Variants in PARL observed in about 807,000 individuals in gnomAD.
PARL encodes the protein presenilin associated rhomboid like.
Under a neutral mutation model 51.6 loss-of-function variants are expected in PARL, and 44 were observed. That is an observed-to-expected ratio of 0.85 (90% confidence interval 0.67 to 1.10). The LOEUF is 1.10. Among genes scored for constraint, PARL ranks in the 50% least tolerant of loss-of-function variants. The pLI is 0.00. For missense variants in PARL, 441 were observed against 469.5 expected (o/e 0.94, Z 0.56); for synonymous variants, 172 against 164.0 (o/e 1.05, Z -0.37).
At chr3:183,879,742 G>A (rs1734221709) in intron 1 of PARL, 2 of 976,894 alleles carry the variant, frequency 2.0e-6, no homozygotes, top group African/African-American at 1.8e-5. Flanking sequence ...GCGGGGGGAG[G>A]TCCTCGCTCT....
intron 2 of PARL, among the ~76,000 whole-genome samples, chr3:183,867,019 T>C (rs1051689930): frequency 2.6e-5 from 4 of 152,114 alleles, no homozygotes; most frequent in Non-Finnish European, 5.9e-5. Context: ...GTTCAAGTGA[T>C]TCTCCTGTCT....
chr3:183,883,639 T>G (rs1734803977), intron 1 of PARL: 1 of 985,200 alleles, frequency 1.0e-6, no homozygotes, highest in South Asian at 4.7e-5. Flanking sequence ...CCATCTGTCC[T>G]CATTTTCCAC....
downstream of PARL, chr3:183,826,644 G>A (rs914772828): frequency 4.1e-6 from 4 of 985,320 alleles, no homozygotes; most frequent in East Asian, 1.1e-4. Context: ...GTGACATGAC[G>A]GCTGCCTAGA....
Position 183,883,563 on chromosome 3 carries a change from C to T in PARL, c.125+1159G>A, listed in dbSNP as rs1002015396. ...AGGATTACAGGCGTGTGAGCCACCA[C>T]GCCCGGCCAGTATTAATCTTTTCTT... On this transcript the variant is annotated intron_variant, in intron 1 of 9. Coordinates refer to ENST00000317096, the MANE Select transcript of PARL (RefSeq NM_018622.7). 13 of 983,456 alleles carry T rather than the reference C, an allele frequency of 1.3e-5. No homozygotes were observed. In the Admixed American group the frequency reaches 7.4e-4, roughly 56 times the overall value. 60.9% of individuals were successfully genotyped at this position (983,456 alleles called of 1,614,324 possible).
At chr3:183,834,129 A>G (rs1437344822) in intron 7 of PARL, among the ~76,000 whole-genome samples, 1 of 152,260 alleles carries the variant, frequency 6.6e-6, no homozygotes, top group Non-Finnish European at 1.5e-5. Context: ...TGGCCTAGGA[A>G]AGAACTGCTC....
intron 4 of PARL, among the ~76,000 whole-genome samples, chr3:183,850,474 C>A (rs1302690224): frequency 6.6e-6 from 1 of 152,204 alleles, no homozygotes; most frequent in Admixed American, 6.5e-5. Context: ...CTAATCAAAT[C>A]TGCAAAGACC....
Position 183,829,349 on chromosome 3 carries a change from G to C in PARL, c.*249C>G, listed in dbSNP as rs956042485. On this transcript the variant is annotated 3_prime_UTR_variant, in exon 10 of 10. Transcript: ENST00000317096. ...ATGCAACAACCAAAGCAAAATGCCA[G>C]AGCCGTGTCGGCCCCTTAAAGAGAG... 50 of 1,330,372 alleles carry C rather than the reference G, an allele frequency of 3.8e-5. No individual in the cohort carries two copies. The highest frequency in any genetic ancestry group is 3.2e-5 in the Non-Finnish European group (33 of 1,018,602). 82.4% of individuals were successfully genotyped at this position (1,330,372 alleles called of 1,614,324 possible). A position where few individuals can be genotyped will look rare whatever the true frequency, so the allele number is the denominator to read the frequency against.
Position 183,863,156 on chromosome 3 carries a change from C to G in PARL, c.463-355G>C, listed in dbSNP as rs545311144. Among the ~76,000 whole-genome samples, 4 of 152,164 alleles carry G rather than the reference C, an allele frequency of 2.6e-5. No homozygotes were observed. The South Asian group carries it at 8.3e-4, about 32-fold the overall frequency. On this transcript the variant is annotated intron_variant, in intron 3 of 9. Coordinates refer to ENST00000317096, the MANE Select transcript of PARL (RefSeq NM_018622.7). ...CACACTCACAGATACAGACAGGTAC[C>G]AAGGAAGTGATTATTCATACCAAGG...
intron 1 of PARL, among the ~76,000 whole-genome samples, chr3:183,882,356 TA>T (rs1382264185): frequency 3.5e-5 from 5 of 144,812 alleles, no homozygotes; most frequent in Non-Finnish European, 7.5e-5. Flanking sequence ...TATATACATA[TA>T]TGCACATATA....
chr3:183,866,673 A>C lies in PARL; in HGVS notation c.414T>G (p.Asp138Glu). The C allele has an allele frequency of 6.2e-7, 1 of 1,612,008 alleles. No homozygotes were observed. The highest frequency in any genetic ancestry group is 8.5e-7 in the Non-Finnish European group (1 of 1,178,992). Residue 138 changes from aspartate (D) to glutamate (E), a missense_variant, in exon 3 of 10, where the codon GAT becomes GAG. By Grantham distance (45) the Asp-to-Glu change is conservative. Transcript: ENST00000317096. The part of the protein sequence containing the change: ...VQSYFDGIKA[D>E]WLDSIRPQKE... The stretch of plus-strand genomic sequence containing the variant: ...TTTGTGGTCTTATGCTATCCAACCA[A>C]TCAGCTTTTATACCATCAAAATAAC...
chr3:183,880,909 G>A (rs1333818242), intron 1 of PARL, among the ~76,000 whole-genome samples: 7 of 151,890 alleles, frequency 4.6e-5, no homozygotes, highest in Non-Finnish European at 8.8e-5. Flanking sequence ...TTCACCTTCC[G>A]GCCTCAAGCA....
intron 1 of PARL, among the ~76,000 whole-genome samples, chr3:183,869,075 C>T (rs966237892): frequency 6.6e-6 from 1 of 152,188 alleles, no homozygotes; most frequent in Admixed American, 6.5e-5. Context: ...GTATCTTCCC[C>T]TTTTCCTCTA....
chr3:183,852,454 C>G (rs758899337), intron 4 of PARL, among the ~76,000 whole-genome samples: 9 of 151,940 alleles, frequency 5.9e-5, no homozygotes, highest in Non-Finnish European at 5.9e-5. Flanking sequence ...GACAAACTCA[C>G]AGAGACAGAA....
chr3:183,833,160 G>A (rs1367121984), intron 9 of PARL, among the ~76,000 whole-genome samples: 1 of 152,200 alleles, frequency 6.6e-6, no homozygotes, highest in African/African-American at 2.4e-5. Flanking sequence ...GGGCAGGAAA[G>A]TCTGAAGGGG....
intron 1 of PARL, among the ~76,000 whole-genome samples, chr3:183,877,260 G>A (rs1194720650): frequency 6.6e-6 from 1 of 152,162 alleles, no homozygotes; most frequent in African/African-American, 2.4e-5. Flanking sequence ...AGTGGAGCCT[G>A]AAGATGTGAT....
rs1489611848 is a variant in PARL, at chr3:183,866,287, GA to G, written c.462+337del. On this transcript the variant is annotated intron_variant, in intron 3 of 9. Coordinates refer to ENST00000317096, the MANE Select transcript of PARL (RefSeq NM_018622.7). ...TAAAACAGTAATCAATACTTACTGTGAAGAATATTAAGTGCACTGACTTGAC... is the reference window on the plus strand; with the variant it reads ...TAAAACAGTAATCAATACTTACTGTGAGAATATTAAGTGCACTGACTTGAC... Among the ~76,000 whole-genome samples the G allele has an allele frequency of 6.6e-5, 10 of 152,320 alleles. No individual in the cohort carries two copies. In the East Asian group the frequency reaches 1.9e-3, roughly 29 times the overall value.
At chr3:183,845,776 G>A (rs1290000370) in intron 4 of PARL, among the ~76,000 whole-genome samples, 2 of 152,154 alleles carry the variant, frequency 1.3e-5, no homozygotes, top group Non-Finnish European at 2.9e-5. Flanking sequence ...AGTGATTCGT[G>A]TTGCTCTGGA....
chr3:183,855,900 G>A (rs2108647140), intron 4 of PARL, among the ~76,000 whole-genome samples: 1 of 151,096 alleles, frequency 6.6e-6, no homozygotes, highest in South Asian at 2.1e-4. Context: ...AGATTGCAGT[G>A]AGCCAAGATC....
downstream of PARL, among the ~76,000 whole-genome samples, chr3:183,828,663 T>C (rs1378175528): frequency 6.6e-6 from 1 of 152,116 alleles, no homozygotes; most frequent in African/African-American, 2.4e-5. Context: ...CCACTCCTTT[T>C]CCAAAGCCGC....
Sources: gnomAD v4.1 joint callset for allele counts (sites outside exome capture counted in the v4.1 genomes callset) on GRCh38, gnomAD v4.1.1 for gene constraint, MANE v1.5 for transcripts, NCBI Gene and HGNC (gene_info 2026-07-23, HGNC 2026-07-21) for gene names.